Variants in SYNM observed in about 807,000 individuals in gnomAD.
The protein encoded by SYNM is synemin.
Under a neutral mutation model 104.0 loss-of-function variants are expected in SYNM, and 95 were observed. The observed-to-expected ratio is 0.91, with a 90% confidence interval of 0.77 to 1.08. SYNM has a LOEUF of 1.08. Ranked by LOEUF, SYNM falls within the 50% of genes least tolerant of loss-of-function variation. The pLI, the probability that SYNM is intolerant of heterozygous loss-of-function variation, is 0.00. For synonymous variants in SYNM, 918 were observed against 869.0 expected (o/e 1.06, Z -0.99); for missense variants, 2,150 against 2,052.2 (o/e 1.05, Z -0.92).
intron 2 of SYNM, among the ~76,000 whole-genome samples, chr15:99,119,579 G>T (rs550342729): frequency 2.0e-5 from 3 of 152,140 alleles, no homozygotes; most frequent in African/African-American, 7.2e-5. Flanking sequence ...AGTTGCATGC[G>T]GCAGTCCCCT....
chr15:99,133,354 T>C lies in SYNM; in HGVS notation c.*296T>C, dbSNP rs1271450114. ...ATGAATTTCTATGTTTTGCACCTGG[T>C]CACAGACATGGCTTGCATCTGTTTG... On this transcript the variant is annotated 3_prime_UTR_variant, in exon 4 of 4. Coordinates refer to ENST00000336292, the MANE Select transcript of SYNM (RefSeq NM_145728.3). 2 of 384,004 alleles carry C rather than the reference T, an allele frequency of 5.2e-6. No individual in the cohort carries two copies. Among genetic ancestry groups the C allele is most frequent in the East Asian group, 5.6e-5 (1 of 17,718 alleles). 23.8% of individuals were successfully genotyped at this position (384,004 alleles called of 1,614,324 possible).
Position 99,132,245 on chromosome 15 carries a change from T to A in SYNM, c.3885T>A (p.Ser1295=). 2 of 1,610,044 alleles carry A rather than the reference T, an allele frequency of 1.2e-6. No individual in the cohort carries two copies. The highest frequency in any genetic ancestry group is 1.7e-6 in the Non-Finnish European group (2 of 1,177,210). ...TGGAGTTGGGTGTCATAGGAGATTC[T>A]GTACACATGGAAGGGTTGCCAGGGA... The part of the protein sequence containing the change: ...DKVELGVIGD[S]VHMEGLPGSS... The change falls in exon 4 of 4, where the codon TCT becomes TCA. Residue 1295 remains serine (S), a synonymous_variant. Coordinates refer to ENST00000336292, the MANE Select transcript of SYNM (RefSeq NM_145728.3).
downstream of SYNM, among the ~76,000 whole-genome samples, chr15:99,138,345 ACTCT>A (rs1307382359): frequency 1.3e-5 from 2 of 150,290 alleles, no homozygotes; most frequent in African/African-American, 2.5e-5. Flanking sequence ...ACAGAGTCTC[ACTCT>A]GTCACCCAGG....
chr15:99,133,926 C>T lies in SYNM; in HGVS notation c.*868C>T, dbSNP rs528697423. 4 of 152,214 alleles carry T rather than the reference C, an allele frequency of 2.6e-5. No individual in the cohort carries two copies. Among genetic ancestry groups the T allele is most frequent in the Non-Finnish European group, 5.9e-5 (4 of 68,068 alleles). 9.4% of individuals were successfully genotyped at this position (152,214 alleles called of 1,614,324 possible). On this transcript the variant is annotated 3_prime_UTR_variant, in exon 4 of 4. Transcript: ENST00000336292. ...CTTAGCACCCAAACATTTAATTTCA[C>T]TGGTGGGAGGTAGACCTTGAAGACA...
chr15:99,126,265 C>T (rs1175882827), intron 2 of SYNM, among the ~76,000 whole-genome samples: 2 of 152,238 alleles, frequency 1.3e-5, no homozygotes, highest in African/African-American at 2.4e-5. Flanking sequence ...CAGCCCTCTG[C>T]AAGCTGCCCC....
intron 3 of SYNM, among the ~76,000 whole-genome samples, chr15:99,128,480 G>A (rs184275959): frequency 3.3e-5 from 5 of 152,316 alleles, no homozygotes; most frequent in Admixed American, 2.6e-4. Flanking sequence ...TCTCTTTCCT[G>A]TATCTTGGGA....
intron 2 of SYNM, among the ~76,000 whole-genome samples, chr15:99,116,292 T>A (rs2067347787): frequency 6.6e-6 from 1 of 152,218 alleles, no homozygotes; most frequent in Non-Finnish European, 1.5e-5. Flanking sequence ...AGTTAGATGA[T>A]CTAAACTTTA....
chr15:99,112,582 G>T (rs965967621), intron 1 of SYNM, among the ~76,000 whole-genome samples: 4 of 152,244 alleles, frequency 2.6e-5, no homozygotes, highest in Non-Finnish European at 4.4e-5. Flanking sequence ...TCAGAAGGCC[G>T]CAGTATCTCC....
chr15:99,138,022 T>TGTGCC (rs782733857), downstream of SYNM: 3 of 1,614,132 alleles, frequency 1.9e-6, no homozygotes, highest in African/African-American at 4.0e-5. Flanking sequence ...AGTCTGCTGT[T>TGTGCC]GTGCCGGGCC....
chr15:99,111,795 A>G (rs1276994796), intron 1 of SYNM, among the ~76,000 whole-genome samples: 18 of 152,264 alleles, frequency 1.2e-4, no homozygotes, highest in Admixed American at 1.2e-3. Flanking sequence ...CTATAATCCC[A>G]GCACTTTGCA....
At chr15:99,111,452 C>G in intron 1 of SYNM, among the ~76,000 whole-genome samples, 1 of 152,290 alleles carries the variant, frequency 6.6e-6, no homozygotes, top group Non-Finnish European at 1.5e-5. Flanking sequence ...AGATTTAACT[C>G]TAGAATGTGT....
At chr15:99,121,207 T>C (rs76915137) in intron 2 of SYNM, among the ~76,000 whole-genome samples, 2,839 of 152,032 alleles carry the variant, frequency 0.019, 94 homozygotes, top group African/African-American at 0.065. Context: ...GCAGGGGCCT[T>C]GAACGCTGGG....
intron 3 of SYNM, chr15:99,128,688 C>G (rs782125579): frequency 6.5e-6 from 1 of 152,880 alleles, no homozygotes; most frequent in African/African-American, 2.4e-5. Context: ...AAGGGTAGCA[C>G]TGTCTGCAAA....
chr15:99,131,489 C>T lies in SYNM; in HGVS notation c.3129C>T (p.Arg1043=), dbSNP rs564822885. 13 of 1,606,222 alleles carry T rather than the reference C, an allele frequency of 8.1e-6. No homozygotes were observed. The highest frequency in any genetic ancestry group is 1.7e-4 in the Middle Eastern group (1 of 6,060). Residue 1043 remains arginine (R), a synonymous_variant, in exon 4 of 4, where the codon CGC becomes CGT. Transcript: ENST00000336292. This position sits in a 1 kb window ranked among gnomAD's most constrained non-coding sequence, Gnocchi z 4.3. ...SVVRESLSRQ[R]SPAPGSPDEE... Reference sequence around the variant, plus strand: ...TTCGGGAGAGCCTGAGCAGGCAACGCAGCCCAGCGCCTGGCAGCCCAGATG... The same window carrying T: ...TTCGGGAGAGCCTGAGCAGGCAACGTAGCCCAGCGCCTGGCAGCCCAGATG...
rs1406685946 is a variant in SYNM, at chr15:99,134,079, A to C, written c.*1021A>C. 11 of 152,204 alleles carry C rather than the reference A, an allele frequency of 7.2e-5. No homozygotes were observed. Among genetic ancestry groups the C allele is most frequent in the African/African-American group, 2.7e-4 (11 of 41,446 alleles). 9.4% of individuals were successfully genotyped at this position (152,204 alleles called of 1,614,324 possible). A position where few individuals can be genotyped will look rare whatever the true frequency, so the allele number is the denominator to read the frequency against. The stretch of plus-strand genomic sequence containing the variant: ...TCCCAACCCTCCATTCATGGGATGC[A>C]GGTCTTTCTGAGCTCAAGGGTGAAA... On this transcript the variant is annotated 3_prime_UTR_variant, in exon 4 of 4. Transcript: ENST00000336292.
intron 2 of SYNM, among the ~76,000 whole-genome samples, chr15:99,119,299 G>A (rs2151803490): frequency 6.6e-6 from 1 of 152,360 alleles, no homozygotes; most frequent in Admixed American, 6.5e-5. Context: ...GCGGCAGCAT[G>A]CGCATTGTGA....
chr15:99,139,441 C>T (rs371971238), downstream of SYNM: 216 of 1,613,072 alleles, frequency 1.3e-4, 2 homozygotes, highest in East Asian at 1.5e-3. Flanking sequence ...ATGGAAGTGT[C>T]GCTGAGAGCA....
chr15:99,119,120 A>G (rs1555484275), intron 2 of SYNM, among the ~76,000 whole-genome samples: 1 of 152,188 alleles, frequency 6.6e-6, no homozygotes, highest in African/African-American at 2.4e-5. Flanking sequence ...TGGTAAGGGA[A>G]ACATGCTCGG....
At chr15:99,127,746 G>A (rs372490751) in intron 3 of SYNM, among the ~76,000 whole-genome samples, 1 of 152,208 alleles carries the variant, frequency 6.6e-6, no homozygotes, top group Non-Finnish European at 1.5e-5. Context: ...ATCAGTTAAC[G>A]TGTGACATCT....
Sources: allele counts gnomAD v4.1 joint callset (sites outside exome capture counted in the v4.1 genomes callset), GRCh38; gene constraint gnomAD v4.1.1; non-coding constraint Gnocchi (gnomAD v3.1); transcripts MANE v1.5; gene names NCBI Gene and HGNC (gene_info 2026-07-23, HGNC 2026-07-21).